Variants in CACNA2D1 observed in about 807,000 individuals in gnomAD.
CACNA2D1 encodes voltage-dependent calcium channel subunit alpha-2/delta-1.
Under a neutral mutation model 171.5 loss-of-function variants are expected in CACNA2D1, and 53 were observed. The observed-to-expected ratio is 0.31, with a 90% CI of 0.25 to 0.39. The LOEUF (loss-of-function observed/expected upper bound fraction) is 0.39. Among genes scored for constraint, CACNA2D1 ranks in the 10% least tolerant of loss-of-function variants. The pLI is 1.00. For synonymous variants in CACNA2D1, 442 were observed against 443.1 expected (o/e 1.00, Z 0.03); for missense variants, 903 against 1,299.8 (o/e 0.69, Z 4.69).
chr7:82,055,077 T>G (rs1406311001), intron 10 of CACNA2D1, among the ~76,000 whole-genome samples: 5 of 152,202 alleles, frequency 3.3e-5, no homozygotes, highest in Non-Finnish European at 7.3e-5. Context: ...GCTCAGAATT[T>G]TCTTTTGAGA....
intron 15 of CACNA2D1, among the ~76,000 whole-genome samples, chr7:82,011,840 C>CA (rs1554351359): frequency 9.9e-5 from 15 of 151,384 alleles, no homozygotes; most frequent in Non-Finnish European, 1.5e-5. Flanking sequence ...AGACTTTCAT[C>CA]TTTTTTTTTA....
intron 3 of CACNA2D1, among the ~76,000 whole-genome samples, chr7:82,219,403 G>A (rs1029129845): frequency 7.2e-5 from 11 of 151,904 alleles, no homozygotes; most frequent in African/African-American, 2.7e-4. Flanking sequence ...AAGACATCAT[G>A]ATCCATTCCA....
chr7:82,431,131 T>C (rs142425337), intron 1 of CACNA2D1, among the ~76,000 whole-genome samples: 1 of 152,310 alleles, frequency 6.6e-6, no homozygotes, highest in African/African-American at 2.4e-5. Context: ...ACCGCATCTC[T>C]TTCCCTTTCC....
chr7:82,322,467 A>T (rs1816108431), intron 3 of CACNA2D1, among the ~76,000 whole-genome samples: 1 of 150,828 alleles, frequency 6.6e-6, no homozygotes, highest in African/African-American at 2.4e-5. Context: ...AAAAAAAAAA[A>T]AAAATTAAAA....
chr7:82,047,243 T>C (rs1471685011), intron 10 of CACNA2D1, among the ~76,000 whole-genome samples: 1 of 152,152 alleles, frequency 6.6e-6, no homozygotes, highest in African/African-American at 2.4e-5. Flanking sequence ...TGCATAGCCC[T>C]CTAGAAATTT....
At chr7:82,125,532 C>T (rs1386342270) in intron 5 of CACNA2D1, among the ~76,000 whole-genome samples, 1 of 152,058 alleles carries the variant, frequency 6.6e-6, no homozygotes, top group Non-Finnish European at 1.5e-5. Flanking sequence ...TGTTACATTG[C>T]TAGCTTTTTT....
At chr7:82,360,394 T>C (rs1820962772) in intron 1 of CACNA2D1, among the ~76,000 whole-genome samples, 1 of 152,198 alleles carries the variant, frequency 6.6e-6, no homozygotes. Flanking sequence ...ATATTAATAA[T>C]TACCTAAATG....
intron 1 of CACNA2D1, among the ~76,000 whole-genome samples, chr7:82,359,845 T>C (rs755615729): frequency 5.3e-4 from 80 of 152,198 alleles, no homozygotes; most frequent in Non-Finnish European, 8.8e-4. Context: ...ATACAGTGGC[T>C]ACTTAAAAAA....
chr7:82,128,414 G>A (rs772616392), intron 5 of CACNA2D1, among the ~76,000 whole-genome samples: 89 of 152,234 alleles, frequency 5.8e-4, no homozygotes, highest in Non-Finnish European at 1.1e-3. Flanking sequence ...TCTAAGTGGA[G>A]GAACGTAGAT....
intron 4 of CACNA2D1, among the ~76,000 whole-genome samples, chr7:82,160,646 G>A (rs1303543152): frequency 6.6e-6 from 1 of 151,828 alleles, no homozygotes. Context: ...TTTTTTAATT[G>A]TAGACCTTGT....
chr7:82,192,475 TGTGTGTGTGTG>T (rs755702401), intron 3 of CACNA2D1, among the ~76,000 whole-genome samples: 9,049 of 32,194 alleles, frequency 0.28, 341 homozygotes, highest in Middle Eastern at 0.38. Context: ...TGTGTGTGTG[TGTGTGTGTGTG>T]TGTGTGTGTG....
At chr7:82,016,991 T>G (rs537720296) in intron 12 of CACNA2D1, among the ~76,000 whole-genome samples, 29 of 152,274 alleles carry the variant, frequency 1.9e-4, no homozygotes, top group Non-Finnish European at 2.8e-4. Context: ...ACTAAAATCC[T>G]AATTGCAAAT....
chr7:82,060,180 T>TATATATATAATATATATATATA (rs1314734590), intron 10 of CACNA2D1, among the ~76,000 whole-genome samples: 1 of 23,208 alleles, frequency 4.3e-5, no homozygotes, highest in African/African-American at 1.9e-4. Flanking sequence ...ATATATATAA[T>TATATATATAATATATATATATA]ATATATATAT....
intron 22 of CACNA2D1, 148 bp downstream of exon 22, chr7:81,984,487 G>T: frequency 4.5e-6 from 3 of 668,332 alleles, no homozygotes; most frequent in Non-Finnish European, 5.6e-6. Context: ...TGCATGTTTG[G>T]AATGGGTTAG....
chr7:82,363,662 A>G (rs73378109), intron 1 of CACNA2D1, among the ~76,000 whole-genome samples: 12,908 of 152,030 alleles, frequency 0.085, 1,813 homozygotes, highest in African/African-American at 0.29. Context: ...TGACCTTATT[A>G]AAAGAAAAGC....
intron 3 of CACNA2D1, among the ~76,000 whole-genome samples, chr7:82,322,451 C>CAAAA (rs11440104): frequency 0.018 from 1,899 of 103,756 alleles, 32 homozygotes; most frequent in Non-Finnish European, 0.025. Flanking sequence ...CCTGGCTTTA[C>CAAAA]AAAAAAAAAA....
chr7:82,249,618 T>G (rs1322391454), intron 3 of CACNA2D1, among the ~76,000 whole-genome samples: 1 of 152,172 alleles, frequency 6.6e-6, no homozygotes, highest in Non-Finnish European at 1.5e-5. Flanking sequence ...AAACCTGAAA[T>G]CATCCTTTTC....
At chr7:82,336,192 C>T (rs1436049738) in intron 2 of CACNA2D1, among the ~76,000 whole-genome samples, 1 of 152,138 alleles carries the variant, frequency 6.6e-6, no homozygotes, top group African/African-American at 2.4e-5. Context: ...ATACAGGAAT[C>T]AGTTCAACCC....
chr7:82,394,770 G>A (rs1422889956), intron 1 of CACNA2D1, among the ~76,000 whole-genome samples: 1 of 152,162 alleles, frequency 6.6e-6, no homozygotes, highest in African/African-American at 2.4e-5. Context: ...AAAGAGAAGT[G>A]AAGGAGAACA....
Sources: gnomAD v4.1 joint callset for allele counts (sites outside exome capture counted in the v4.1 genomes callset) on GRCh38, gnomAD v4.1.1 for gene constraint, MANE v1.5 for transcripts, NCBI Gene and HGNC (gene_info 2026-07-23, HGNC 2026-07-21) for gene names.